SEC24A: variants seen among roughly 807,000 people sequenced by gnomAD.
SEC24A encodes SEC24 homolog A, COPII component.
In SEC24A, 93 loss-of-function variants were observed where a neutral mutation model predicts 129.4. The ratio of observed to expected loss-of-function variants is 0.72; its 90% confidence interval spans 0.61 to 0.85. The LOEUF is 0.85. Among genes scored for constraint, SEC24A ranks in the 40% least tolerant of loss-of-function variants. The pLI is 0.00. For missense variants in SEC24A, 1,264 were observed against 1,307.4 expected (o/e 0.97, Z 0.51); for synonymous variants, 460 against 467.3 (o/e 0.98, Z 0.20).
At chr5:134,651,272 T>C (rs1045510668) in intron 1 of SEC24A, among the ~76,000 whole-genome samples, 1 of 148,024 alleles carries the variant, frequency 6.8e-6, no homozygotes, top group Non-Finnish European at 1.5e-5. Flanking sequence ...TATAAGTATA[T>C]AATATATATA....
At position 134,705,388 on chromosome 5, in the gene SEC24A, CT is replaced by C; in HGVS notation, c.2505del (p.Gly837GlufsTer20). 1 of 1,613,064 alleles carries C rather than the reference CT, an allele frequency of 6.2e-7. No homozygotes were observed. The highest frequency in any genetic ancestry group is 8.5e-7 in the Non-Finnish European group (1 of 1,179,528). Reference protein sequence around the residue: ...LPVVSTLNDVFLGADVQAISG... With the variant: ...LPVVSTLNDVXLGADVQAISG... ...CAGTAGTTTCGACTCTGAATGATGT[CT>C]TTCTTGGAGCTGATGTTCAAGCAAT... is the stretch of plus-strand genomic sequence containing the variant. On this transcript the variant is annotated frameshift_variant, in exon 17 of 23. Transcript: ENST00000398844. LOFTEE classifies it high-confidence loss of function.
chr5:134,689,986 G>C (rs905678113), intron 11 of SEC24A, among the ~76,000 whole-genome samples: 5 of 152,052 alleles, frequency 3.3e-5, no homozygotes, highest in African/African-American at 1.2e-4. Flanking sequence ...AGGGGCTGGG[G>C]GGGGAGGGCG....
At chr5:134,677,301 C>T (rs1751099501) in intron 7 of SEC24A, among the ~76,000 whole-genome samples, 1 of 151,818 alleles carries the variant, frequency 6.6e-6, no homozygotes, top group South Asian at 2.1e-4. Flanking sequence ...CAGAGTGAGA[C>T]CCTGTATCCA....
intron 2 of SEC24A, among the ~76,000 whole-genome samples, chr5:134,665,412 G>A (rs1360309801): frequency 1.3e-5 from 2 of 149,326 alleles, no homozygotes; most frequent in East Asian, 2.0e-4. Context: ...CCGAGATTGC[G>A]CCATTGCACT....
intron 15 of SEC24A, among the ~76,000 whole-genome samples, chr5:134,698,850 C>T (rs1279363904): frequency 6.6e-6 from 1 of 151,636 alleles, no homozygotes; most frequent in East Asian, 1.9e-4. Context: ...CCAGGCTGGT[C>T]TCAAACTCCT....
chr5:134,664,249 T>C lies in SEC24A; in HGVS notation c.566-2574T>C, dbSNP rs555988460. 6.6e-4 allele frequency among the ~76,000 whole-genome samples: 100 copies of C among 152,324 alleles called. 3 individuals carry two copies. The South Asian group carries it at 0.021, about 31-fold the overall frequency. ...CAAATTCCTCATTTTTTTTCTTTTT[T>C]CCAACTCATAACTGAGAGTTGGTAC... On this transcript the variant is annotated intron_variant, in intron 2 of 22. Coordinates refer to ENST00000398844, the MANE Select transcript of SEC24A (RefSeq NM_021982.3).
intron 1 of SEC24A, 77 bp downstream of exon 1, chr5:134,649,250 C>CATAG (rs946406098): frequency 9.0e-7 from 1 of 1,106,096 alleles, no homozygotes; most frequent in African/African-American, 1.6e-5. Context: ...CTTGAGGCGA[C>CATAG]ATAGATAGAG....
At chr5:134,681,399 TCAAA>T (rs1378856632) in intron 8 of SEC24A, among the ~76,000 whole-genome samples, 1 of 151,678 alleles carries the variant, frequency 6.6e-6, no homozygotes, top group African/African-American at 2.4e-5. Context: ...AAACTCCATC[TCAAA>T]CAAACAAATA....
chr5:134,648,450 A>C (rs903621222), upstream of SEC24A: 11 of 152,398 alleles, frequency 7.2e-5, no homozygotes, highest in East Asian at 2.1e-3. Context: ...TCTTCACAAA[A>C]CCCGAGGAGA....
intron 1 of SEC24A, 131 bp downstream of exon 1, chr5:134,649,304 G>T (rs540585508): frequency 2.3e-4 from 133 of 587,622 alleles, no homozygotes; most frequent in African/African-American, 2.1e-3. Flanking sequence ...GGTGGTGGGC[G>T]GCTGGGCCAG....
At chr5:134,692,316 G>C (rs1156777486) in intron 11 of SEC24A, among the ~76,000 whole-genome samples, 1 of 151,908 alleles carries the variant, frequency 6.6e-6, no homozygotes, top group African/African-American at 2.4e-5. Flanking sequence ...CAAAGTGCTG[G>C]GATTACAGGC....
intron 17 of SEC24A, among the ~76,000 whole-genome samples, chr5:134,707,274 T>C (rs1225311444): frequency 6.6e-6 from 1 of 152,174 alleles, no homozygotes; most frequent in African/African-American, 2.4e-5. Context: ...TTTTATGTTG[T>C]TAGATGTTCA....
intron 20 of SEC24A, 114 bp from the exon 21 acceptor site, chr5:134,720,884 A>C: frequency 1.8e-6 from 1 of 550,968 alleles, no homozygotes; most frequent in Non-Finnish European, 3.2e-6. Context: ...CCTGGGTGAC[A>C]GAGTGAGACC....
At chr5:134,696,530 G>A (rs1035811697) in intron 13 of SEC24A, among the ~76,000 whole-genome samples, 4 of 151,700 alleles carry the variant, frequency 2.6e-5, no homozygotes, top group East Asian at 3.9e-4. Flanking sequence ...ACGGAGTCTC[G>A]CTCTGTTGCC....
intron 3 of SEC24A, among the ~76,000 whole-genome samples, chr5:134,668,730 C>T (rs1750752474): frequency 6.8e-6 from 1 of 147,606 alleles, no homozygotes; most frequent in South Asian, 2.2e-4. Context: ...CCATCACACA[C>T]ACACAAAAAA....
chr5:134,672,701 A>G (rs1750909373), intron 4 of SEC24A, among the ~76,000 whole-genome samples: 1 of 151,458 alleles, frequency 6.6e-6, no homozygotes, highest in African/African-American at 2.4e-5. Flanking sequence ...AATTGGGATC[A>G]TGGATTTATT....
chr5:134,687,076 G>T (rs1319844748), intron 10 of SEC24A, among the ~76,000 whole-genome samples, 174 bp downstream of exon 10: 4 of 152,062 alleles, frequency 2.6e-5, no homozygotes, highest in Non-Finnish European at 4.4e-5. Context: ...ATCTATAGTT[G>T]GTAGGAAGAA....
At chr5:134,711,688 G>A (rs998158988) in intron 18 of SEC24A, among the ~76,000 whole-genome samples, 4 of 147,400 alleles carry the variant, frequency 2.7e-5, no homozygotes, top group Non-Finnish European at 5.9e-5. Flanking sequence ...TCACCACCAC[G>A]CCTGGCTAAT....
rs1340319037 is a variant in SEC24A, at chr5:134,715,091, A to C, written c.2795A>C (p.Asn932Thr). 6.2e-7 allele frequency: 1 copy of C among 1,612,300 alleles called. No individual in the cohort carries two copies. Among genetic ancestry groups the C allele is most frequent in the South Asian group, 1.1e-5 (1 of 90,444 alleles). The change falls in exon 19 of 23, where the codon AAC (asparagine) becomes ACC (threonine). Residue 932 changes from asparagine to threonine, a missense_variant. Transcript: ENST00000398844. ...ATTTTTGCTATGTGTCAAGTGAAAA[A>C]CCAGCCCTTGGTTTACCTTATGCTC... ...ERIFAMCQVK[N>T]QPLVYLMLTT...
Sources: allele counts gnomAD v4.1 joint callset (sites outside exome capture counted in the v4.1 genomes callset), GRCh38; gene constraint gnomAD v4.1.1; transcripts MANE v1.5; gene names NCBI Gene and HGNC (gene_info 2026-07-23, HGNC 2026-07-21).